LAMA1: variants seen among roughly 807,000 people sequenced by gnomAD.
LAMA1 encodes laminin subunit alpha-1.
A neutral mutation model predicts 348.7 loss-of-function variants in LAMA1; 219 were observed. The ratio of observed to expected loss-of-function variants is 0.63; its 90% CI spans 0.56 to 0.70. The LOEUF is 0.70. Ranked by LOEUF, LAMA1 falls within the 30% of genes least tolerant of loss-of-function variation. The probability of loss-of-function intolerance (pLI) is 0.00; values close to 1 mark genes in which losing one functional copy is unlikely to be tolerated. For missense variants in LAMA1, 3,744 were observed against 3,888.0 expected, an observed-to-expected ratio of 0.96 and a Z score of 0.99; for synonymous variants, 1,487 against 1,491.0, an observed-to-expected ratio of 1.00 and a Z score of 0.06.
Position 7,009,443 on chromosome 18 carries a change from C to A in LAMA1, c.3874-77G>T, listed in dbSNP as rs140537374. The A allele has an allele frequency of 1.5e-4, 230 of 1,499,206 alleles. No homozygotes were observed. In the African/African-American group the frequency reaches 2.9e-3, roughly 19 times the overall value. 92.9% of individuals were successfully genotyped at this position (1,499,206 alleles called of 1,614,324 possible). ...GCATAAAACTTATAAAGAATAAATT[C>A]TTTTATAAATTTCTCCAGAAATGAG... On this transcript the variant is annotated intron_variant, in intron 26 of 62. Coordinates refer to ENST00000389658, the MANE Select transcript of LAMA1 (RefSeq NM_005559.4).
At chr18:7,087,779 A>G (rs986460186) in intron 1 of LAMA1, among the ~76,000 whole-genome samples, 3 of 152,188 alleles carry the variant, frequency 2.0e-5, no homozygotes, top group African/African-American at 7.2e-5. Context: ...ACTGGCTGCC[A>G]TCAGTGTGGC....
chr18:7,099,162 C>T (rs1293247296), intron 1 of LAMA1, among the ~76,000 whole-genome samples: 2 of 151,372 alleles, frequency 1.3e-5, no homozygotes, highest in Non-Finnish European at 2.9e-5. Flanking sequence ...TGATCTGTGA[C>T]CTTACCCCCA....
chr18:7,018,890 C>T (rs941159180), intron 19 of LAMA1, among the ~76,000 whole-genome samples: 1 of 152,142 alleles, frequency 6.6e-6, no homozygotes, highest in African/African-American at 2.4e-5. Context: ...TGGGATCCGC[C>T]TCCTTCATGA....
chr18:7,074,888 T>C (rs1598306803), intron 3 of LAMA1, among the ~76,000 whole-genome samples: 1 of 146,134 alleles, frequency 6.8e-6, no homozygotes, highest in East Asian at 2.0e-4. Context: ...CCATACAACA[T>C]TTATGGACTT....
intron 61 of LAMA1, among the ~76,000 whole-genome samples, chr18:6,944,263 A>C (rs2057512908): frequency 6.6e-6 from 1 of 152,072 alleles, no homozygotes; most frequent in African/African-American, 2.4e-5. Flanking sequence ...TGATTTGCCC[A>C]CCTCGGCCTC....
At chr18:7,105,395 C>T (rs1366761181) in intron 1 of LAMA1, among the ~76,000 whole-genome samples, 1 of 151,892 alleles carries the variant, frequency 6.6e-6, no homozygotes, top group African/African-American at 2.4e-5. Context: ...GCTGAGATCG[C>T]ACCTCTGCAC....
chr18:7,011,271 A>C, intron 25 of LAMA1, 29 bp downstream of exon 25: 1 of 1,608,186 alleles, frequency 6.2e-7, no homozygotes, highest in Non-Finnish European at 8.5e-7. Flanking sequence ...GGAAGCACCG[A>C]CTGGCTCTCG....
At chr18:7,027,402 C>T (rs1048900504) in intron 16 of LAMA1, among the ~76,000 whole-genome samples, 2 of 151,960 alleles carry the variant, frequency 1.3e-5, no homozygotes, top group Non-Finnish European at 2.9e-5. Context: ...GGCAACAACA[C>T]GGGAGTCTAG....
At chr18:6,947,399 C>T in intron 60 of LAMA1, 103 bp from the exon 61 acceptor site, 1 of 1,386,334 alleles carries the variant, frequency 7.2e-7, no homozygotes, top group Non-Finnish European at 1.0e-6. Flanking sequence ...TCTAGCTCCT[C>T]CTTTGGATCC....
chr18:7,002,580 A>C (rs1389087566), intron 29 of LAMA1, among the ~76,000 whole-genome samples, 195 bp from the exon 30 acceptor site: 1 of 152,224 alleles, frequency 6.6e-6, no homozygotes, highest in Non-Finnish European at 1.5e-5. Context: ...CATTCATCCT[A>C]AGGCTGCATT....
intron 29 of LAMA1, among the ~76,000 whole-genome samples, chr18:7,004,885 G>A (rs376764292): frequency 3.9e-5 from 6 of 152,288 alleles, no homozygotes; most frequent in East Asian, 1.9e-4. Context: ...GGACTGAGGC[G>A]CTATATTGAT....
At chr18:7,042,013 G>A (rs2058022507) in intron 9 of LAMA1, 132 bp downstream of exon 9, 9 of 713,650 alleles carry the variant, frequency 1.3e-5, no homozygotes, top group Non-Finnish European at 2.0e-5. Flanking sequence ...GTAGGTGCTT[G>A]ATACGTACTT....
intron 1 of LAMA1, among the ~76,000 whole-genome samples, chr18:7,098,720 G>C (rs1429700917): frequency 2.1e-5 from 3 of 145,416 alleles, no homozygotes; most frequent in Non-Finnish European, 3.0e-5. Context: ...AGGGAGGTGG[G>C]GGGGTCAGCC....
At position 7,015,722 on chromosome 18, in the gene LAMA1, C is replaced by T. The variant is rs2057884344; in HGVS notation, c.3126G>A (p.Gln1042=). 9 of 1,613,770 alleles carry T rather than the reference C, an allele frequency of 5.6e-6. No homozygotes were observed. The highest frequency in any genetic ancestry group is 7.6e-6 in the Non-Finnish European group (9 of 1,180,028). The change falls in exon 22 of 63, where the codon CAG becomes CAA. Residue 1042 remains glutamine (Q), a splice_region_variant and synonymous_variant. Coordinates refer to ENST00000389658, the MANE Select transcript of LAMA1 (RefSeq NM_005559.4). ...CAAGAGCGTGGATGACAGTGCTCACCTGGCACCCCACCTCCGCATCGTAGC... is the reference window on the plus strand; with the variant it reads ...CAAGAGCGTGGATGACAGTGCTCACTTGGCACCCCACCTCCGCATCGTAGC... ...HWGYDAEVGC[Q]ACNCSLVGST... is the part of the protein sequence containing the mutation.
intron 6 of LAMA1, among the ~76,000 whole-genome samples, chr18:7,045,168 A>G (rs888589530): frequency 6.6e-6 from 1 of 152,186 alleles, no homozygotes; most frequent in African/African-American, 2.4e-5. Context: ...ATTTTTCAGC[A>G]TCGATAACAG....
At chr18:6,959,266 A>T in intron 54 of LAMA1, 75 bp downstream of exon 54, 1 of 1,601,186 alleles carries the variant, frequency 6.2e-7, no homozygotes. Context: ...CCAGGGCACC[A>T]CCGCAAGGTT....
intron 1 of LAMA1, among the ~76,000 whole-genome samples, chr18:7,089,902 C>G (rs2058233151): frequency 6.6e-6 from 1 of 152,170 alleles, no homozygotes; most frequent in Non-Finnish European, 1.5e-5. Context: ...CATCTTCACT[C>G]AAACCTTTTA....
At chr18:7,093,936 C>T (rs371609471) in intron 1 of LAMA1, among the ~76,000 whole-genome samples, 54 of 151,854 alleles carry the variant, frequency 3.6e-4, no homozygotes, top group African/African-American at 1.2e-3. Context: ...CCACCATGCC[C>T]GGCTAATTTT....
intron 40 of LAMA1, 43 bp from the exon 41 acceptor site, chr18:6,982,633 G>A (rs778656697): frequency 1.3e-6 from 2 of 1,496,302 alleles, no homozygotes; most frequent in South Asian, 2.3e-5. Context: ...GCAGGGCAGG[G>A]TGGAGTCCTG....
Sources: allele counts gnomAD v4.1 joint callset (sites outside exome capture counted in the v4.1 genomes callset), GRCh38; gene constraint gnomAD v4.1.1; transcripts MANE v1.5; gene names NCBI Gene and HGNC (gene_info 2026-07-23, HGNC 2026-07-21).